The following TRAPPC9 variants were observed in gnomAD, a reference collection of about 807,000 sequenced individuals.
The protein encoded by TRAPPC9 is trafficking protein particle complex subunit 9, also known as IKK2 binding protein.
TRAPPC9 carries 83 observed loss-of-function variants against 124.0 expected under a neutral mutation model. The observed-to-expected ratio is 0.67, with a 90% CI of 0.56 to 0.80. The LOEUF (loss-of-function observed/expected upper bound fraction) is 0.80. Ranked by LOEUF, TRAPPC9 falls within the 30% of genes least tolerant of loss-of-function variation. The pLI is 0.00. For synonymous variants in TRAPPC9, 638 were observed against 617.5 expected, an observed-to-expected ratio of 1.03 and a Z score of -0.49; for missense variants, 1,302 against 1,508.3, an observed-to-expected ratio of 0.86 and a Z score of 2.27.
At chr8:140,140,009 G>A (rs763743883) in intron 17 of TRAPPC9, among the ~76,000 whole-genome samples, 59 of 152,176 alleles carry the variant, frequency 3.9e-4, no homozygotes, top group Non-Finnish European at 3.2e-4. Context: ...TGTTCATTAT[G>A]AATAACAACG....
intron 9 of TRAPPC9, among the ~76,000 whole-genome samples, chr8:140,350,018 C>T (rs755290407): frequency 2.0e-5 from 3 of 152,288 alleles, no homozygotes; most frequent in South Asian, 4.1e-4. Context: ...TTTCTAAAAA[C>T]GTCTTCACAA....
chr8:139,901,976 T>A (rs959643005), intron 20 of TRAPPC9, among the ~76,000 whole-genome samples: 5 of 152,130 alleles, frequency 3.3e-5, no homozygotes, highest in African/African-American at 9.7e-5. Flanking sequence ...GCCATATGGG[T>A]TTTAGCTGTT....
chr8:139,798,635 C>T (rs1823263981), intron 21 of TRAPPC9, among the ~76,000 whole-genome samples: 1 of 152,182 alleles, frequency 6.6e-6, no homozygotes, highest in Non-Finnish European at 1.5e-5. Context: ...TCAGCTCTGT[C>T]AAGAGCGTAA....
chr8:140,130,001 G>C (rs1354725631), intron 17 of TRAPPC9, among the ~76,000 whole-genome samples: 3 of 152,192 alleles, frequency 2.0e-5, no homozygotes. Context: ...TGATTGCAGG[G>C]CTGGAGCAGG....
At chr8:139,828,626 G>T (rs955333436) in intron 21 of TRAPPC9, among the ~76,000 whole-genome samples, 1 of 152,124 alleles carries the variant, frequency 6.6e-6, no homozygotes, top group Non-Finnish European at 1.5e-5. Flanking sequence ...AGTTCCCCAG[G>T]GTGTCTGACA....
chr8:140,400,253 T>C (rs1331571935), intron 6 of TRAPPC9, among the ~76,000 whole-genome samples: 2 of 152,228 alleles, frequency 1.3e-5, no homozygotes, highest in Non-Finnish European at 2.9e-5. Flanking sequence ...AGAAAGTCTA[T>C]CCTTTATGGA....
At chr8:140,342,088 T>A (rs1239278187) in intron 9 of TRAPPC9, among the ~76,000 whole-genome samples, 2 of 152,194 alleles carry the variant, frequency 1.3e-5, no homozygotes, top group Non-Finnish European at 2.9e-5. Context: ...GGACCAGAAG[T>A]GGCAGAGTCC....
chr8:140,364,053 T>G (rs888294266), intron 8 of TRAPPC9, among the ~76,000 whole-genome samples: 1 of 152,044 alleles, frequency 6.6e-6, no homozygotes, highest in Non-Finnish European at 1.5e-5. Context: ...TCCGAAGAAA[T>G]GGCATCCAGC....
At chr8:140,413,525 T>A (rs906875347) in intron 5 of TRAPPC9, among the ~76,000 whole-genome samples, 7 of 151,532 alleles carry the variant, frequency 4.6e-5, no homozygotes, top group Admixed American at 2.0e-4. Flanking sequence ...TTTTTTTTTT[T>A]ATACTTTAAG....
intron 21 of TRAPPC9, among the ~76,000 whole-genome samples, chr8:139,758,397 C>T (rs1819999635): frequency 1.3e-5 from 2 of 152,204 alleles, no homozygotes. Flanking sequence ...TAAAGCTGAA[C>T]TTGGCTCACA....
At chr8:140,323,335 G>A (rs934330355) in intron 9 of TRAPPC9, among the ~76,000 whole-genome samples, 32 of 152,104 alleles carry the variant, frequency 2.1e-4, no homozygotes, top group Non-Finnish European at 3.8e-4. Flanking sequence ...GTTTCCTTCA[G>A]TTTTGAGAGT....
chr8:140,161,966 C>G (rs569462537), intron 17 of TRAPPC9, among the ~76,000 whole-genome samples: 1 of 152,098 alleles, frequency 6.6e-6, no homozygotes, highest in Non-Finnish European at 1.5e-5. Context: ...CCCGAGTGTC[C>G]GGCAGAGAGG....
Position 140,275,649 on chromosome 8 carries a change from A to G in TRAPPC9, c.2278+9T>C. ...CATTCCCAGGGTCAAAGCTGCTTAC[A>G]ATACCTACCTTTAGTGGTGAGAACT... On this transcript the variant is annotated intron_variant, in intron 15 of 22. Coordinates refer to ENST00000438773, the MANE Select transcript of TRAPPC9 (RefSeq NM_001160372.4). 2 of 1,613,924 alleles carry G rather than the reference A, an allele frequency of 1.2e-6. No homozygotes were observed. Among genetic ancestry groups the G allele is most frequent in the Non-Finnish European group, 1.7e-6 (2 of 1,179,772 alleles).
intron 21 of TRAPPC9, among the ~76,000 whole-genome samples, chr8:139,819,882 G>A (rs1035460005): frequency 2.6e-5 from 4 of 151,790 alleles, no homozygotes; most frequent in East Asian, 2.0e-4. Context: ...GCATGGTGGC[G>A]TGCGCCTATA....
At chr8:139,826,076 G>A (rs1825611051) in intron 21 of TRAPPC9, among the ~76,000 whole-genome samples, 1 of 152,190 alleles carries the variant, frequency 6.6e-6, no homozygotes, top group African/African-American at 2.4e-5. Context: ...TCCTGGCCAG[G>A]TCTGAAGTAG....
At chr8:140,058,244 G>C (rs1842401899) in intron 17 of TRAPPC9, among the ~76,000 whole-genome samples, 1 of 152,078 alleles carries the variant, frequency 6.6e-6, no homozygotes, top group South Asian at 2.1e-4. Flanking sequence ...AGGGGTGGGT[G>C]GGGGAGGAGG....
At chr8:140,141,546 C>T (rs554017800) in intron 17 of TRAPPC9, among the ~76,000 whole-genome samples, 3 of 152,330 alleles carry the variant, frequency 2.0e-5, no homozygotes, top group African/African-American at 7.2e-5. Flanking sequence ...TTTGAACCCA[C>T]TGACCCATGA....
chr8:140,175,297 G>A (rs1466472570), intron 17 of TRAPPC9, among the ~76,000 whole-genome samples: 2 of 151,772 alleles, frequency 1.3e-5, no homozygotes, highest in Admixed American at 6.6e-5. Flanking sequence ...TACACTGAGT[G>A]TCAGCAAGAG....
chr8:140,451,248 A>G lies in TRAPPC9; in HGVS notation c.126T>C (p.Ser42=). 1 of 1,613,564 alleles carries G rather than the reference A, an allele frequency of 6.2e-7. No individual in the cohort carries two copies. The highest frequency in any genetic ancestry group is 2.2e-5 in the East Asian group (1 of 44,862). ...FRIYKRICSV[S]QISVRDSQRV... ...GCTGGGAGTCCCGCACGCTGATCTG[A>G]CTCACAGAGCAAATCCTCTTATAGA... The change falls in exon 2 of 23, where the codon AGT becomes AGC. Residue 42 remains serine, a synonymous_variant. Transcript: ENST00000438773.
Sources: gnomAD v4.1 joint callset for allele counts (sites outside exome capture counted in the v4.1 genomes callset) on GRCh38, gnomAD v4.1.1 for gene constraint, MANE v1.5 for transcripts, NCBI Gene and HGNC (gene_info 2026-07-23, HGNC 2026-07-21) for gene names.